The following CAMK1D variants were observed in gnomAD, a reference collection of about 807,000 sequenced individuals.
CAMK1D encodes the protein calcium/calmodulin dependent protein kinase ID.
In CAMK1D, 9 loss-of-function variants were observed where a neutral mutation model predicts 47.7. That is an observed-to-expected ratio of 0.19 (90% CI 0.11 to 0.33). CAMK1D has a LOEUF of 0.33. CAMK1D is among the 10% of genes least tolerant of loss of function. CAMK1D has a pLI of 1.00. For synonymous variants in CAMK1D, 184 were observed against 184.9 expected, an observed-to-expected ratio of 0.99 and a Z score of 0.04; for missense variants, 291 against 488.7, an observed-to-expected ratio of 0.60 and a Z score of 3.81.
intron 3 of CAMK1D, among the ~76,000 whole-genome samples, chr10:12,709,648 C>A (rs946504330): frequency 6.6e-6 from 1 of 152,120 alleles, no homozygotes; most frequent in Non-Finnish European, 1.5e-5. Flanking sequence ...TAATCTGTCA[C>A]CCGATATCTT....
chr10:12,666,640 T>C (rs1840440207), intron 2 of CAMK1D, 96 bp from the exon 3 acceptor site: 1 of 956,310 alleles, frequency 1.0e-6, no homozygotes. Flanking sequence ...GGAGTTTGGA[T>C]TCTGTTTTGT....
chr10:12,643,033 A>C (rs978350153), intron 2 of CAMK1D, among the ~76,000 whole-genome samples: 1 of 151,904 alleles, frequency 6.6e-6, no homozygotes, highest in Non-Finnish European at 1.5e-5. Context: ...ACGGAGTCTT[A>C]CTCTGTTTCC....
intron 2 of CAMK1D, among the ~76,000 whole-genome samples, chr10:12,560,909 T>C (rs72771704): frequency 0.099 from 13,665 of 138,600 alleles, 730 homozygotes; most frequent in South Asian, 0.16. Flanking sequence ...CCTTGATTTC[T>C]TTCTTTCTTT....
intron 2 of CAMK1D, among the ~76,000 whole-genome samples, chr10:12,661,288 A>G (rs976673287): frequency 6.6e-6 from 1 of 152,220 alleles, no homozygotes; most frequent in Non-Finnish European, 1.5e-5. Flanking sequence ...AACTGAATTT[A>G]TATGAGCTCT....
chr10:12,523,501 G>A (rs182751515), intron 1 of CAMK1D, among the ~76,000 whole-genome samples: 33,679 of 151,454 alleles, frequency 0.22, 4,020 homozygotes, highest in South Asian at 0.27. Flanking sequence ...CCGGCACCTC[G>A]GGAGGCCGAG....
intron 2 of CAMK1D, among the ~76,000 whole-genome samples, chr10:12,598,782 C>CG: frequency 6.6e-6 from 1 of 152,156 alleles, no homozygotes; most frequent in East Asian, 1.9e-4. Context: ...TAAACGAATA[C>CG]GGGTCAACCT....
At chr10:12,745,273 G>A (rs545798558) in intron 3 of CAMK1D, among the ~76,000 whole-genome samples, 20 of 152,194 alleles carry the variant, frequency 1.3e-4, no homozygotes, top group East Asian at 5.8e-4. Context: ...CTCGTGATCC[G>A]CCCGCCTCAG....
intron 3 of CAMK1D, among the ~76,000 whole-genome samples, chr10:12,728,364 C>T (rs1244229619): frequency 1.3e-5 from 2 of 152,214 alleles, no homozygotes; most frequent in East Asian, 1.9e-4. Context: ...TTGGGCAGCG[C>T]TAGTTACATC....
chr10:12,526,790 C>T (rs891351897), intron 1 of CAMK1D, among the ~76,000 whole-genome samples: 7 of 151,146 alleles, frequency 4.6e-5, no homozygotes, highest in East Asian at 2.0e-4. Context: ...TGGTGGTGCA[C>T]GCCTGTAGTC....
intron 3 of CAMK1D, among the ~76,000 whole-genome samples, chr10:12,749,443 T>TA (rs60406640): frequency 0.28 from 33,566 of 119,122 alleles, 5,447 homozygotes; most frequent in Non-Finnish European, 0.34. Flanking sequence ...GCTAGAAAGT[T>TA]AAAAAAAAAA....
rs528770536 is a variant in CAMK1D at position 12,522,513 on chromosome 10, G to T, written c.93-30712G>T. On this transcript the variant is annotated intron_variant, in intron 1 of 10. Coordinates refer to ENST00000619168, the MANE Select transcript of CAMK1D (RefSeq NM_153498.4). ...ATGTTTCAGAGAGCACAGGGTTGGG[G>T]GCAAGGTCATAGATCAACAGGATCC... Among the ~76,000 whole-genome samples, 6 of 151,606 alleles carry T rather than the reference G, an allele frequency of 4.0e-5. No individual in the cohort carries two copies. In the East Asian group the frequency reaches 1.2e-3, roughly 29 times the overall value.
At chr10:12,398,777 A>T (rs996463111) in intron 1 of CAMK1D, among the ~76,000 whole-genome samples, 1 of 150,710 alleles carries the variant, frequency 6.6e-6, no homozygotes, top group Non-Finnish European at 1.5e-5. Context: ...ATAAAAATCC[A>T]TAGAGTTTTT....
chr10:12,688,465 A>G (rs1225444582), intron 3 of CAMK1D, among the ~76,000 whole-genome samples: 1 of 152,242 alleles, frequency 6.6e-6, no homozygotes, highest in African/African-American at 2.4e-5. Context: ...AGATTTAAAG[A>G]ATTACAAACA....
intron 1 of CAMK1D, among the ~76,000 whole-genome samples, chr10:12,350,674 G>C (rs1325144287): frequency 1.3e-5 from 2 of 152,270 alleles, no homozygotes; most frequent in African/African-American, 4.8e-5. Flanking sequence ...GTGCTGCTCA[G>C]CTCAGCTGCT....
chr10:12,618,676 A>G (rs961766313), intron 2 of CAMK1D, among the ~76,000 whole-genome samples: 5 of 152,096 alleles, frequency 3.3e-5, no homozygotes, highest in Admixed American at 2.6e-4. Context: ...AGTACTTTCT[A>G]TTTTCATCAC....
chr10:12,768,163 G>A (rs771179932), intron 4 of CAMK1D, among the ~76,000 whole-genome samples: 4 of 152,162 alleles, frequency 2.6e-5, no homozygotes, highest in African/African-American at 4.8e-5. Context: ...GTAAACCACC[G>A]TGCCTGGCCA....
At position 12,705,460 on chromosome 10, in the gene CAMK1D, CAAAAA is replaced by C. The variant is rs1037071554; in HGVS notation, c.299+38654_299+38658del. 1.3e-3 allele frequency among the ~76,000 whole-genome samples: 200 copies of C among 150,658 alleles called. 1 individual carries two copies. Among genetic ancestry groups the C allele is most frequent in the African/African-American group, 4.6e-3 (188 of 41,094 alleles). ...TAGGTGACAAAGCGAGACTCCAGCTCAAAAAAAAGAAAAGAAAAGAAAAGAATAGA... is the reference window on the plus strand; with the variant it reads ...TAGGTGACAAAGCGAGACTCCAGCTCAAAGAAAAGAAAAGAAAAGAATAGA... On this transcript the variant is annotated intron_variant, in intron 3 of 10. Coordinates refer to ENST00000619168, the MANE Select transcript of CAMK1D (RefSeq NM_153498.4).
chr10:12,426,876 AG>A (rs1385624953), intron 1 of CAMK1D, among the ~76,000 whole-genome samples: 1 of 152,112 alleles, frequency 6.6e-6, no homozygotes, highest in East Asian at 1.9e-4. Context: ...CACCACGCCC[AG>A]CTAATTTTTG....
chr10:12,590,042 C>G (rs74119223), intron 2 of CAMK1D, among the ~76,000 whole-genome samples: 5,929 of 152,210 alleles, frequency 0.039, 389 homozygotes, highest in African/African-American at 0.13. Flanking sequence ...CAACCGCAAG[C>G]TGATCCTTCT....
Sources: allele counts gnomAD v4.1 joint callset (sites outside exome capture counted in the v4.1 genomes callset), GRCh38; gene constraint gnomAD v4.1.1; transcripts MANE v1.5; gene names NCBI Gene and HGNC (gene_info 2026-07-23, HGNC 2026-07-21).